The following PSG2 variants were observed in gnomAD, a reference collection of about 807,000 sequenced individuals.
The protein encoded by PSG2 is pregnancy-specific beta-1-glycoprotein 2.
PSG2 carries 49 observed loss-of-function variants against 36.2 expected under a neutral mutation model. The ratio of observed to expected loss-of-function variants is 1.35; its 90% CI spans 1.08 to 1.72. PSG2 has a LOEUF of 1.72. Among genes scored for constraint, PSG2 ranks in the 40% most tolerant of loss-of-function variants. PSG2 has a pLI of 0.00. For missense variants in PSG2, 605 were observed against 407.2 expected (o/e 1.49, Z -4.18); for synonymous variants, 261 against 155.6 (o/e 1.68, Z -5.04).
chr19:43,069,622 C>T (rs80266298), intron 4 of PSG2, among the ~76,000 whole-genome samples: 1 of 151,556 alleles, frequency 6.6e-6, no homozygotes, highest in Non-Finnish European at 1.5e-5. Flanking sequence ...AGTGTTCTCA[C>T]CAAATGATAT....
intron 2 of PSG2, among the ~76,000 whole-genome samples, chr19:43,080,402 C>A (rs1351640153): frequency 1.3e-5 from 2 of 151,742 alleles, no homozygotes; most frequent in Non-Finnish European, 2.9e-5. Context: ...TCCTTGGTCC[C>A]AGTAAGCCCT....
chr19:43,072,610 T>A (rs953094266), intron 3 of PSG2: 4 of 1,611,564 alleles, frequency 2.5e-6, no homozygotes, highest in Non-Finnish European at 3.4e-6. Flanking sequence ...TGATGGTGAT[T>A]TAGGGCTTGG....
rs56971156 is a variant in PSG2, at chr19:43,081,350, G to GACACACAC, written c.65-112_65-105dup. ...GGTCTCTTCAATCCTCAGCCTTGAAGACACACACACACACACACACACACA... is the reference window on the plus strand; with the variant it reads ...GGTCTCTTCAATCCTCAGCCTTGAAGACACACACACACACACACACACACACACACACA... On this transcript the variant is annotated intron_variant, in intron 1 of 5. Transcript: ENST00000406487. The GACACACAC allele has an allele frequency of 1.9e-3, 1,585 of 856,756 alleles. 4 individuals are homozygous for GACACACAC. Among genetic ancestry groups the GACACACAC allele is most frequent in the Middle Eastern group, 5.2e-3 (14 of 2,708 alleles). 53.1% of individuals were successfully genotyped at this position (856,756 alleles called of 1,614,324 possible). A position where few individuals can be genotyped will look rare whatever the true frequency, so the allele number is the denominator to read the frequency against.
In PSG2 at chr19:43,064,477, T is replaced by A. The variant is rs374251410; in HGVS notation, c.*165A>T. 197 of 460,158 alleles carry A rather than the reference T, an allele frequency of 4.3e-4. 2 individuals carry two copies. Among genetic ancestry groups the A allele is most frequent in the East Asian group, 2.6e-3 (74 of 28,074 alleles). 28.5% of individuals were successfully genotyped at this position (460,158 alleles called of 1,614,324 possible). On this transcript the variant is annotated 3_prime_UTR_variant, in exon 6 of 6. Transcript: ENST00000406487. ...CATTGAGTATTTTTCTTCTTTGTCT[T>A]GAATTTCATGAAGGTATCAGCCTGT...
chr19:43,070,343 T>A (rs1425616302), intron 4 of PSG2, among the ~76,000 whole-genome samples: 1 of 151,690 alleles, frequency 6.6e-6, no homozygotes, highest in Non-Finnish European at 1.5e-5. Flanking sequence ...CAATTCCACT[T>A]CTGGACATAC....
chr19:43,078,792 T>TG (rs2122915576), intron 2 of PSG2, among the ~76,000 whole-genome samples: 2 of 151,714 alleles, frequency 1.3e-5, no homozygotes, highest in East Asian at 1.9e-4. Flanking sequence ...AATAATTTTT[T>TG]TGTGTGTGTG....
At chr19:43,075,745 A>G in intron 2 of PSG2, 113 bp from the exon 3 acceptor site, 3 of 1,512,850 alleles carry the variant, frequency 2.0e-6, no homozygotes, top group Non-Finnish European at 2.7e-6. Context: ...AGTCCTTAAA[A>G]GCCCATGGCA....
chr19:43,068,850 G>A (rs546540479), intron 4 of PSG2, among the ~76,000 whole-genome samples: 13 of 151,592 alleles, frequency 8.6e-5, no homozygotes, highest in East Asian at 3.8e-4. Context: ...TCAACATAGT[G>A]TTGAAAGGTC....
In PSG2 at chr19:43,081,805, T is replaced by G. The variant is rs184786655; in HGVS notation, c.65-559A>C. The stretch of plus-strand genomic sequence containing the variant: ...AACAGGCTGCAGACTCCTGTAGATG[T>G]GAGACTTCTCAGGGCCCTCCACACC... On this transcript the variant is annotated intron_variant, in intron 1 of 5. Coordinates refer to ENST00000406487, the MANE Select transcript of PSG2 (RefSeq NM_031246.4). The G allele has an allele frequency of 1.7e-3, 274 of 158,826 alleles. 2 individuals are homozygous for G. Among genetic ancestry groups the G allele is most frequent in the Non-Finnish European group, 2.6e-3 (183 of 71,652 alleles). 9.8% of individuals were successfully genotyped at this position (158,826 alleles called of 1,614,324 possible). A position where few individuals can be genotyped will look rare whatever the true frequency, so the allele number is the denominator to read the frequency against.
At position 43,075,426 on chromosome 19, in the gene PSG2, C is replaced by T. The variant is rs1568514364; in HGVS notation, c.637G>A (p.Gly213Arg). ...FLFGVTKYTAGPYECEIRNSG... is the reference protein window; with the variant it reads ...FLFGVTKYTARPYECEIRNSG... Reference sequence around the variant, plus strand: ...TTCCGTATTTCACATTCATAGGGTCCTGCAGTATACTTTGTGACACCAAAT... The same window carrying T: ...TTCCGTATTTCACATTCATAGGGTCTTGCAGTATACTTTGTGACACCAAAT... The change falls in exon 3 of 6, where the codon GGA becomes AGA. Residue 213 changes from glycine to arginine, a missense_variant. By Grantham distance (125) the Gly-to-Arg change is moderately radical. Coordinates refer to ENST00000406487, the MANE Select transcript of PSG2 (RefSeq NM_031246.4). 6.2e-7 allele frequency: 1 copy of T among 1,613,208 alleles called. No individual in the cohort carries two copies. The highest frequency in any genetic ancestry group is 8.5e-7 in the Non-Finnish European group (1 of 1,179,668).
chr19:43,075,451 T>G lies in PSG2; in HGVS notation c.612A>C (p.Leu204=), dbSNP rs1446587741. The stretch of plus-strand genomic sequence containing the variant: ...CTGCAGTATACTTTGTGACACCAAA[T>G]AGAAAGAGGGTCCTGTTGGTTTCGG... ...QLSETNRTLF[L]FGVTKYTAGP... The change falls in exon 3 of 6, where the codon CTA becomes CTC. Residue 204 remains leucine (L), a synonymous_variant. Coordinates refer to ENST00000406487, the MANE Select transcript of PSG2 (RefSeq NM_031246.4). 6.2e-7 allele frequency: 1 copy of G among 1,613,154 alleles called. No homozygotes were observed. The highest frequency in any genetic ancestry group is 8.5e-7 in the Non-Finnish European group (1 of 1,179,672).
At chr19:43,072,129 A>G (rs1967827742) in intron 3 of PSG2, among the ~76,000 whole-genome samples, 175 bp from the exon 4 acceptor site, 1 of 151,576 alleles carries the variant, frequency 6.6e-6, no homozygotes, top group Non-Finnish European at 1.5e-5. Context: ...CTCCCACCAC[A>G]AGATGTGGGC....
At chr19:43,075,957 C>G (rs1234655047) in intron 2 of PSG2, among the ~76,000 whole-genome samples, 1 of 151,566 alleles carries the variant, frequency 6.6e-6, no homozygotes, top group African/African-American at 2.4e-5. Context: ...CCTGGCCCAC[C>G]TTGTGGTCCT....
At chr19:43,065,367 G>A (rs1226704636) in intron 5 of PSG2, 1 of 151,504 alleles carries the variant, frequency 6.6e-6, no homozygotes, top group African/African-American at 2.4e-5. Flanking sequence ...GGTAATTCCA[G>A]TACTTTTAGC....
intron 2 of PSG2, among the ~76,000 whole-genome samples, chr19:43,077,644 C>A (rs1423235681): frequency 6.6e-6 from 1 of 151,722 alleles, no homozygotes; most frequent in African/African-American, 2.4e-5. Context: ...CAGATAGCAC[C>A]CACCTGGTCA....
Position 43,082,580 on chromosome 19 carries a change from G to A in PSG2, c.-11C>T. On this transcript the variant is annotated 5_prime_UTR_variant, in exon 1 of 6. Transcript: ENST00000406487. ...TGAGAGGGGCCCCATGGTCTCTGCT[G>A]CCTGTGTGTTCTCCTCTGTGGAGAT... The A allele has an allele frequency of 1.2e-6, 2 of 1,611,294 alleles. No individual in the cohort carries two copies. The highest frequency in any genetic ancestry group is 2.2e-5 in the South Asian group (2 of 91,016).
At chr19:43,071,622 T>C in intron 4 of PSG2, 78 bp downstream of exon 4, 1 of 1,611,810 alleles carries the variant, frequency 6.2e-7, no homozygotes, top group Non-Finnish European at 8.5e-7. Context: ...GGAATAAAAA[T>C]GTTTTCCTGA....
intron 5 of PSG2, 89 bp downstream of exon 5, chr19:43,066,428 T>G (rs1409283447): frequency 6.9e-5 from 65 of 948,548 alleles, no homozygotes; most frequent in South Asian, 6.0e-4. Context: ...GGAGATGCAG[T>G]CCCAGATACA....
Position 43,082,122 on chromosome 19 carries a change from C to CTTTTTTTTTTTTTTTTTTTT in PSG2, c.64+364_64+383dup, listed in dbSNP as rs71169213. The CTTTTTTTTTTTTTTTTTTTT allele has an allele frequency of 5.9e-5, 4 of 67,940 alleles. 1 individual carries two copies. Among genetic ancestry groups the CTTTTTTTTTTTTTTTTTTTT allele is most frequent in the Non-Finnish European group, 8.0e-5 (3 of 37,522 alleles). The allele number at this position is 67,940 out of a possible 1,614,324, so 4.2% of individuals were successfully genotyped here. ...CTTTCCTTTTATTTCTTTCTTCTCTCTTTTTTTTTTTTTTTTTTTTTTTTT... is the reference window on the plus strand; with the variant it reads ...CTTTCCTTTTATTTCTTTCTTCTCTCTTTTTTTTTTTTTTTTTTTTTTTTTTTTTTTTTTTTTTTTTTTTT... On this transcript the variant is annotated intron_variant, in intron 1 of 5. Coordinates refer to ENST00000406487, the MANE Select transcript of PSG2 (RefSeq NM_031246.4).
Sources: allele counts gnomAD v4.1 joint callset (sites outside exome capture counted in the v4.1 genomes callset), GRCh38; gene constraint gnomAD v4.1.1; transcripts MANE v1.5; gene names NCBI Gene and HGNC (gene_info 2026-07-23, HGNC 2026-07-21).